Variants in FBXO8 observed in about 807,000 individuals in gnomAD.
FBXO8 encodes the protein F-box only protein 8.
Under a neutral mutation model 33.4 loss-of-function variants are expected in FBXO8, and 15 were observed. The observed-to-expected ratio is 0.45, with a 90% CI of 0.30 to 0.69. The LOEUF (loss-of-function observed/expected upper bound fraction) is 0.69. FBXO8 is among the 30% of genes least tolerant of loss of function. The pLI, the probability that FBXO8 is intolerant of heterozygous loss-of-function variation, is 0.08. For missense variants in FBXO8, 274 were observed against 380.3 expected (o/e 0.72, Z 2.32); for synonymous variants, 132 against 131.5 (o/e 1.00, Z -0.02).
chr4:174,283,576 A>C lies in FBXO8; in HGVS notation c.-175T>G, dbSNP rs1737201908. ...TAGAGGTGACCGCGATGAGAATACC[A>C]GAAACAGCACTACGACCCTCAGAAC... On this transcript the variant is annotated 5_prime_UTR_variant, in exon 1 of 6. Transcript: ENST00000393674. The surrounding 1 kb of genome is among the most constrained non-coding windows in gnomAD (Gnocchi z 6.7). 1.5e-5 allele frequency: 4 copies of C among 266,650 alleles called. No homozygotes were observed. Among genetic ancestry groups the C allele is most frequent in the Non-Finnish European group, 2.8e-5 (4 of 143,282 alleles). 16.5% of individuals were successfully genotyped at this position (266,650 alleles called of 1,614,324 possible). A position where few individuals can be genotyped will look rare whatever the true frequency, so the allele number is the denominator to read the frequency against.
rs528373396 is a variant in FBXO8, at chr4:174,272,197, T to C, written c.-8-9097A>G. On this transcript the variant is annotated intron_variant, in intron 1 of 5. Transcript: ENST00000393674. This position sits in a 1 kb window ranked among gnomAD's most constrained non-coding sequence, Gnocchi z 4.7. ...AATAAAAATGACAGTAATGAATTAA[T>C]TGCTCCTTAGTATTTGCAGTAGACT... Among the ~76,000 whole-genome samples, 1 of 152,356 alleles carries C rather than the reference T, an allele frequency of 6.6e-6. No individual in the cohort carries two copies. Among genetic ancestry groups the C allele is most frequent in the South Asian group, 2.1e-4 (1 of 4,830 alleles).
rs1736355322 is a variant in FBXO8, at chr4:174,253,878, T to C, written c.456+5821A>G. 6.6e-6 allele frequency among the ~76,000 whole-genome samples: 1 copy of C among 152,142 alleles called. No individual in the cohort carries two copies. The highest frequency in any genetic ancestry group is 1.5e-5 in the Non-Finnish European group (1 of 68,012). On this transcript the variant is annotated intron_variant, in intron 3 of 5. Transcript: ENST00000393674. The surrounding 1 kb of genome is among the most constrained non-coding windows in gnomAD (Gnocchi z 4.5). ...TTTCTTTGTACTGGGGACACTATTA[T>C]GGGGGAAGTGATATTTTGAGTTGTG... is the stretch of plus-strand genomic sequence containing the variant.
At position 174,237,295 on chromosome 4, in the gene FBXO8, G is replaced by A. The variant is rs1053314397; in HGVS notation, c.*117C>T. ...GCAAAAGAAAAAAAGGTTGCACACT[G>A]AAGCTTGATTGTATACTCAGGCTAC... On this transcript the variant is annotated 3_prime_UTR_variant, in exon 6 of 6. Transcript: ENST00000393674. The surrounding 1 kb of genome is among the most constrained non-coding windows in gnomAD (Gnocchi z 4.4). 6 of 771,202 alleles carry A rather than the reference G, an allele frequency of 7.8e-6. No homozygotes were observed. The Admixed American group carries it at 1.1e-4, about 14-fold the overall frequency. 47.8% of individuals were successfully genotyped at this position (771,202 alleles called of 1,614,324 possible).
chr4:174,243,701 C>A, intron 3 of FBXO8, among the ~76,000 whole-genome samples: 1 of 151,004 alleles, frequency 6.6e-6, no homozygotes, highest in Non-Finnish European at 1.5e-5. Flanking sequence ...AGAGAAACTC[C>A]TAGACCACAT....
At position 174,257,040 on chromosome 4, in the gene FBXO8, G is replaced by A. The variant is rs913404684; in HGVS notation, c.456+2659C>T. On this transcript the variant is annotated intron_variant, in intron 3 of 5. Coordinates refer to ENST00000393674, the MANE Select transcript of FBXO8 (RefSeq NM_012180.3). This position sits in a 1 kb window ranked among gnomAD's most constrained non-coding sequence, Gnocchi z 4.3. ...AAATCCCCTCCCTTAACAAACATTT[G>A]ACTTATAATTTTAAAAAATTATGTC... 1.3e-5 allele frequency among the ~76,000 whole-genome samples: 2 copies of A among 151,914 alleles called. No individual in the cohort carries two copies. Among genetic ancestry groups the A allele is most frequent in the Non-Finnish European group, 2.9e-5 (2 of 67,958 alleles).
rs1357973238 is a variant in FBXO8 at position 174,237,896 on chromosome 4, T to G, written c.773-297A>C. ...TTTAGAACAGTTTAGGAGTGTATAG[T>G]AAAAATTCATTCTAGATTTAAAAAA... On this transcript the variant is annotated intron_variant, in intron 5 of 5. Transcript: ENST00000393674. The surrounding 1 kb of genome is among the most constrained non-coding windows in gnomAD (Gnocchi z 4.4). 1.3e-5 allele frequency among the ~76,000 whole-genome samples: 2 copies of G among 152,094 alleles called. No individual in the cohort carries two copies. The highest frequency in any genetic ancestry group is 2.9e-5 in the Non-Finnish European group (2 of 67,936).
rs77218820 is a variant in FBXO8 at position 174,238,094 on chromosome 4, T to C, written c.773-495A>G. Among the ~76,000 whole-genome samples the C allele has an allele frequency of 0.016, 2,367 of 152,102 alleles. 90 individuals carry two copies. The East Asian group carries it at 0.19, about 12-fold the overall frequency. On this transcript the variant is annotated intron_variant, in intron 5 of 5. Transcript: ENST00000393674. ...CTTTAATGACAAGAAAACATGAATC[T>C]GGTACTAGAAAATAAAATGTAAATA...
intron 1 of FBXO8, among the ~76,000 whole-genome samples, chr4:174,266,468 A>T (rs1736696340): frequency 6.6e-6 from 1 of 152,170 alleles, no homozygotes; most frequent in South Asian, 2.1e-4. Context: ...TAACATCATG[A>T]GTTTAGCATT....
chr4:174,241,249 A>AAGAGC lies in FBXO8; in HGVS notation c.457-32_457-31insGCTCT. ...GCAGAAAGACAAGTCTACATAAATA[A>AAGAGC]AATTGCTCTTTATTTATGCATTTTA... On this transcript the variant is annotated intron_variant, in intron 3 of 5. Coordinates refer to ENST00000393674, the MANE Select transcript of FBXO8 (RefSeq NM_012180.3). This position sits in a 1 kb window ranked among gnomAD's most constrained non-coding sequence, Gnocchi z 4.2. 4.5e-6 allele frequency: 6 copies of AAGAGC among 1,331,188 alleles called. No individual in the cohort carries two copies. The highest frequency in any genetic ancestry group is 6.4e-6 in the Non-Finnish European group (6 of 943,612). The allele number at this position is 1,331,188 out of a possible 1,614,324, so 82.5% of individuals were successfully genotyped here. A position where few individuals can be genotyped will look rare whatever the true frequency, so the allele number is the denominator to read the frequency against.
rs1045298102 is a variant in FBXO8, at chr4:174,244,988, T to C, written c.457-3770A>G. ...ATAGATATATGTATATCTGTGCATATTTACATATATGCATCTGCTTTAAAA... is the reference window on the plus strand; with the variant it reads ...ATAGATATATGTATATCTGTGCATACTTACATATATGCATCTGCTTTAAAA... On this transcript the variant is annotated intron_variant, in intron 3 of 5. Coordinates refer to ENST00000393674, the MANE Select transcript of FBXO8 (RefSeq NM_012180.3). 3.3e-5 allele frequency among the ~76,000 whole-genome samples: 5 copies of C among 151,938 alleles called. No homozygotes were observed. In the South Asian group the frequency reaches 1.0e-3, roughly 31 times the overall value.
chr4:174,279,283 A>G (rs184444145), intron 1 of FBXO8, among the ~76,000 whole-genome samples: 64 of 152,202 alleles, frequency 4.2e-4, no homozygotes, highest in African/African-American at 1.5e-3. Flanking sequence ...AGCATCAAAA[A>G]GAATAAAATA....
chr4:174,263,194 T>C lies in FBXO8; in HGVS notation c.-8-94A>G. On this transcript the variant is annotated intron_variant, in intron 1 of 5. Coordinates refer to ENST00000393674, the MANE Select transcript of FBXO8 (RefSeq NM_012180.3). The surrounding 1 kb of genome is among the most constrained non-coding windows in gnomAD (Gnocchi z 4.2). The stretch of plus-strand genomic sequence containing the variant: ...AAATCTGACATGAAGCATTCATTTA[T>C]CAGAATTAAAACTTCTCATTAAAAC... 1.7e-6 allele frequency: 2 copies of C among 1,152,966 alleles called. No individual in the cohort carries two copies. The highest frequency in any genetic ancestry group is 1.6e-5 in the South Asian group (1 of 62,676). 71.4% of individuals were successfully genotyped at this position (1,152,966 alleles called of 1,614,324 possible). A position where few individuals can be genotyped will look rare whatever the true frequency, so the allele number is the denominator to read the frequency against.
At chr4:174,238,220 C>T (rs1240925304) in intron 5 of FBXO8, among the ~76,000 whole-genome samples, 4 of 151,980 alleles carry the variant, frequency 2.6e-5, no homozygotes, top group African/African-American at 9.6e-5. Flanking sequence ...GACTGCTACA[C>T]CTGAGCACCA....
intron 4 of FBXO8, among the ~76,000 whole-genome samples, chr4:174,240,149 A>G (rs1248324329): frequency 4.0e-5 from 6 of 150,680 alleles, no homozygotes; most frequent in Non-Finnish European, 5.9e-5. Flanking sequence ...AAAAAAAAAA[A>G]AAGAAGAAAG....
chr4:174,238,373 T>C (rs1735937453), intron 5 of FBXO8, among the ~76,000 whole-genome samples: 1 of 151,940 alleles, frequency 6.6e-6, no homozygotes, highest in Non-Finnish European at 1.5e-5. Context: ...ACATTATGTC[T>C]TGTAAAGCAT....
At chr4:174,279,279 A>C (rs1302257238) in intron 1 of FBXO8, among the ~76,000 whole-genome samples, 2 of 152,118 alleles carry the variant, frequency 1.3e-5, no homozygotes. Flanking sequence ...CAACAGCATC[A>C]AAAAGAATAA....
chr4:174,241,165 T>C lies in FBXO8; in HGVS notation c.510A>G (p.Ile170Met). The change falls in exon 4 of 6, where the codon ATA (isoleucine) becomes ATG (methionine). Residue 170 changes from isoleucine to methionine, a missense_variant. Transcript: ENST00000393674. This position sits in a 1 kb window ranked among gnomAD's most constrained non-coding sequence, Gnocchi z 4.2. ...KGILDDSPKE[I>M]AKFIFCTRTL... Reference sequence around the variant, plus strand: ...TTCTTGTACAGAAGATAAACTTTGCTATTTCCTTTGGCGAATCATCCAGGA... The same window carrying C: ...TTCTTGTACAGAAGATAAACTTTGCCATTTCCTTTGGCGAATCATCCAGGA... The C allele has an allele frequency of 1.2e-6, 2 of 1,610,576 alleles. No individual in the cohort carries two copies. The highest frequency in any genetic ancestry group is 1.7e-6 in the Non-Finnish European group (2 of 1,177,646).
chr4:174,251,103 A>G lies in FBXO8; in HGVS notation c.456+8596T>C, dbSNP rs1461803792. 6.6e-6 allele frequency among the ~76,000 whole-genome samples: 1 copy of G among 152,168 alleles called. No individual in the cohort carries two copies. The highest frequency in any genetic ancestry group is 1.5e-5 in the Non-Finnish European group (1 of 68,024). Reference sequence around the variant, plus strand: ...CTAACAAAAGTAAAATTCAAATAAAAAATTGTTCATTGTAGCATATCATAT... The same window carrying G: ...CTAACAAAAGTAAAATTCAAATAAAGAATTGTTCATTGTAGCATATCATAT... On this transcript the variant is annotated intron_variant, in intron 3 of 5. Coordinates refer to ENST00000393674, the MANE Select transcript of FBXO8 (RefSeq NM_012180.3). This position sits in a 1 kb window ranked among gnomAD's most constrained non-coding sequence, Gnocchi z 4.2.
At chr4:174,273,023 G>A (rs1201415804) in intron 1 of FBXO8, among the ~76,000 whole-genome samples, 4 of 152,194 alleles carry the variant, frequency 2.6e-5, no homozygotes, top group African/African-American at 9.7e-5. Context: ...ATGCCAGGCT[G>A]GGAATGGTGG....
Sources: allele counts gnomAD v4.1 joint callset (sites outside exome capture counted in the v4.1 genomes callset), GRCh38; gene constraint gnomAD v4.1.1; non-coding constraint Gnocchi (gnomAD v3.1); transcripts MANE v1.5; gene names NCBI Gene and HGNC (gene_info 2026-07-23, HGNC 2026-07-21).